Variants in TULP4 observed in about 807,000 individuals in gnomAD.
TULP4 encodes TUB like protein 4, also known as tubby-related protein 4.
In TULP4, 16 loss-of-function variants were observed where a neutral mutation model predicts 129.0. The ratio of observed to expected loss-of-function variants is 0.12; its 90% CI spans 0.08 to 0.19. The LOEUF is 0.19. Ranked by LOEUF, TULP4 falls within the 10% of genes least tolerant of loss-of-function variation. The pLI is 1.00. For missense variants in TULP4, 1,842 were observed against 2,059.1 expected (o/e 0.89, Z 2.04); for synonymous variants, 998 against 854.0 (o/e 1.17, Z -2.94).
At chr6:158,296,548 G>T (rs576506533) in intron 1 of TULP4, among the ~76,000 whole-genome samples, 1 of 152,110 alleles carries the variant, frequency 6.6e-6, no homozygotes, top group Non-Finnish European at 1.5e-5. Context: ...ACTGATAAGG[G>T]TCTAACAAAG....
At chr6:158,453,869 C>T (rs1019308638) in intron 5 of TULP4, among the ~76,000 whole-genome samples, 3 of 151,664 alleles carry the variant, frequency 2.0e-5, no homozygotes, top group Admixed American at 6.6e-5. Context: ...AGGAGAATCG[C>T]TTGAACCTGG....
chr6:158,273,095 G>T (rs1263073793), intron 1 of TULP4, among the ~76,000 whole-genome samples: 1 of 152,226 alleles, frequency 6.6e-6, no homozygotes, highest in Non-Finnish European at 1.5e-5. Flanking sequence ...TTTTCCCATT[G>T]TACTATGATG....
At chr6:158,461,848 A>T in intron 6 of TULP4, 119 bp downstream of exon 6, 1 of 1,216,830 alleles carries the variant, frequency 8.2e-7, no homozygotes, top group Non-Finnish European at 1.1e-6. Flanking sequence ...TGGTGGGTAA[A>T]CCAGGAGAAA....
intron 1 of TULP4, among the ~76,000 whole-genome samples, chr6:158,269,171 T>C (rs989298263): frequency 6.6e-6 from 1 of 152,188 alleles, no homozygotes; most frequent in Admixed American, 6.5e-5. Context: ...ATTGTTTTGT[T>C]CTCACCAGAT....
intron 1 of TULP4, among the ~76,000 whole-genome samples, chr6:158,373,355 G>C (rs1777112867): frequency 1.3e-5 from 2 of 152,176 alleles, no homozygotes; most frequent in Admixed American, 1.3e-4. Flanking sequence ...AGCTGGCGCT[G>C]TTCACCACCT....
chr6:158,403,530 G>C (rs1777901808), intron 1 of TULP4, among the ~76,000 whole-genome samples: 1 of 152,108 alleles, frequency 6.6e-6, no homozygotes, highest in African/African-American at 2.4e-5. Context: ...AGTAGAGACG[G>C]GGTTTCTCCA....
intron 1 of TULP4, among the ~76,000 whole-genome samples, chr6:158,302,273 T>C (rs1231917116): frequency 6.6e-6 from 1 of 152,200 alleles, no homozygotes; most frequent in Non-Finnish European, 1.5e-5. Flanking sequence ...TATTGATAGA[T>C]GGTACAGTAA....
At position 158,235,181 on chromosome 6, in the gene TULP4, GA is replaced by G. The variant is rs371171313; in HGVS notation, n.68+2892del. On this transcript the variant is annotated intron_variant and non_coding_transcript_variant, in intron 1 of 1. Coordinates refer to the TULP4 transcript ENST00000620026. ...TGACACAGCGAAACTCTGTCTCAAAGAAAAAAAAAAAAAACTTAAATTTTCA... is the reference window on the plus strand; with the variant it reads ...TGACACAGCGAAACTCTGTCTCAAAGAAAAAAAAAAAAACTTAAATTTTCA... Among the ~76,000 whole-genome samples the G allele has an allele frequency of 7.0e-3, 950 of 136,254 alleles. 14 individuals carry two copies. Among genetic ancestry groups the G allele is most frequent in the African/African-American group, 0.023 (821 of 36,390 alleles). The allele number at this position is 136,254 out of a possible 152,430, so 89.4% of individuals were successfully genotyped here.
chr6:158,343,248 C>T (rs1362619100), intron 1 of TULP4, among the ~76,000 whole-genome samples: 1 of 152,132 alleles, frequency 6.6e-6, no homozygotes, highest in Non-Finnish European at 1.5e-5. Flanking sequence ...GACTGGAACT[C>T]AGATTCTGGT....
At chr6:158,342,691 A>G (rs982696444) in intron 1 of TULP4, among the ~76,000 whole-genome samples, 1 of 152,228 alleles carries the variant, frequency 6.6e-6, no homozygotes, top group Non-Finnish European at 1.5e-5. Flanking sequence ...GCACCATGGC[A>G]TAAAGAATGT....
chr6:158,266,325 C>T (rs4709144), intron 1 of TULP4, among the ~76,000 whole-genome samples: 23,771 of 152,246 alleles, frequency 0.16, 2,494 homozygotes, highest in East Asian at 0.43. Context: ...GATGCAGTCA[C>T]GACTCACTGC....
intron 8 of TULP4, among the ~76,000 whole-genome samples, chr6:158,484,442 C>T (rs1780019341): frequency 1.3e-5 from 2 of 152,180 alleles, no homozygotes; most frequent in Middle Eastern, 3.4e-3. Context: ...TGCTATTGCA[C>T]CTGGCCCACA....
At chr6:158,292,351 A>C (rs1485411574) in intron 1 of TULP4, among the ~76,000 whole-genome samples, 3 of 152,166 alleles carry the variant, frequency 2.0e-5, no homozygotes, top group Admixed American at 6.5e-5. Context: ...TGGTCACCCT[A>C]ATTCCGATTC....
intron 1 of TULP4, among the ~76,000 whole-genome samples, chr6:158,301,820 A>G (rs892564181): frequency 2.0e-5 from 3 of 152,186 alleles, no homozygotes; most frequent in Non-Finnish European, 2.9e-5. Flanking sequence ...AGAGATTGGA[A>G]TCTCCACACA....
At chr6:158,505,851 C>T (rs1780588059) in intron 13 of TULP4, among the ~76,000 whole-genome samples, 1 of 152,048 alleles carries the variant, frequency 6.6e-6, no homozygotes, top group South Asian at 2.1e-4. Context: ...CTGTAGCATT[C>T]ACCCCATTCT....
chr6:158,344,859 A>G (rs995439192), intron 1 of TULP4, among the ~76,000 whole-genome samples: 5 of 152,216 alleles, frequency 3.3e-5, no homozygotes, highest in African/African-American at 1.2e-4. Flanking sequence ...CAAGCTGAAA[A>G]CCAGGCCTCT....
At chr6:158,359,942 A>G (rs575915056) in intron 1 of TULP4, among the ~76,000 whole-genome samples, 49 of 152,030 alleles carry the variant, frequency 3.2e-4, no homozygotes, top group Non-Finnish European at 5.7e-4. Flanking sequence ...TCACTTATTC[A>G]TATCCTTTGT....
intron 1 of TULP4, among the ~76,000 whole-genome samples, chr6:158,351,019 G>A (rs994780670): frequency 6.6e-6 from 1 of 152,148 alleles, no homozygotes; most frequent in Non-Finnish European, 1.5e-5. Context: ...CTCCCAAAGT[G>A]CTAGTATTAC....
intron 1 of TULP4, among the ~76,000 whole-genome samples, chr6:158,361,731 CAG>C (rs1429742591): frequency 2.0e-4 from 30 of 152,224 alleles, no homozygotes; most frequent in African/African-American, 7.0e-4. Context: ...GTTTTCCTTC[CAG>C]AGAGAACATG....
Sources: allele counts gnomAD v4.1 joint callset (sites outside exome capture counted in the v4.1 genomes callset), GRCh38; gene constraint gnomAD v4.1.1; transcripts MANE v1.5; gene names NCBI Gene and HGNC (gene_info 2026-07-23, HGNC 2026-07-21).